PCDH7: variants seen among roughly 807,000 people sequenced by gnomAD.
PCDH7 encodes protocadherin-7.
A neutral mutation model predicts 58.9 loss-of-function variants in PCDH7; 17 were observed. The ratio of observed to expected loss-of-function variants is 0.29; its 90% CI spans 0.20 to 0.43. The LOEUF (loss-of-function observed/expected upper bound fraction) is 0.43, where lower values mean the gene tolerates loss of function less well. Ranked by LOEUF, PCDH7 falls within the 20% of genes least tolerant of loss-of-function variation. The pLI is 1.00. For missense variants in PCDH7, 1,274 were observed against 1,441.0 expected, an observed-to-expected ratio of 0.88 and a Z score of 1.88; for synonymous variants, 664 against 616.4, an observed-to-expected ratio of 1.08 and a Z score of -1.14.
At chr4:31,104,813 T>C (rs554549790) in intron 3 of PCDH7, among the ~76,000 whole-genome samples, 1 of 152,264 alleles carries the variant, frequency 6.6e-6, no homozygotes, top group East Asian at 1.9e-4. Context: ...ACAGCTGAAG[T>C]ATGAGCGTAT....
chr4:31,022,572 A>G (rs1222074267), intron 3 of PCDH7, among the ~76,000 whole-genome samples: 1 of 152,184 alleles, frequency 6.6e-6, no homozygotes, highest in Non-Finnish European at 1.5e-5. Flanking sequence ...TAGACCACAT[A>G]AATGTCAAAA....
chr4:31,079,739 G>A (rs1759348075), intron 3 of PCDH7, among the ~76,000 whole-genome samples: 2 of 152,140 alleles, frequency 1.3e-5, no homozygotes, highest in Middle Eastern at 6.8e-3. Context: ...ATTGAAACAT[G>A]TTCAACGGTG....
intron 1 of PCDH7, among the ~76,000 whole-genome samples, chr4:30,904,343 G>A (rs139308959): frequency 6.6e-6 from 1 of 152,162 alleles, no homozygotes; most frequent in East Asian, 1.9e-4. Flanking sequence ...TTGGCATGCA[G>A]CCCACTCCCT....
chr4:31,006,180 CATTTTGGG>C (rs1752755192), intron 3 of PCDH7, among the ~76,000 whole-genome samples: 1 of 152,132 alleles, frequency 6.6e-6, no homozygotes, highest in Non-Finnish European at 1.5e-5. Context: ...ACCAGTTGTA[CATTTTGGG>C]ATTAAAATCA....
At chr4:31,143,677 G>A (rs917006081), downstream of PCDH7, 1 of 152,068 alleles carries the variant, frequency 6.6e-6, no homozygotes, top group Non-Finnish European at 1.5e-5. Context: ...TTGAACAATT[G>A]TATCATCCAA....
At chr4:30,974,438 C>G (rs1749887906) in intron 3 of PCDH7, among the ~76,000 whole-genome samples, 1 of 151,764 alleles carries the variant, frequency 6.6e-6, no homozygotes, top group African/African-American at 2.4e-5. Context: ...AATCAAATGC[C>G]AGATATTTAA....
At chr4:31,080,622 G>A (rs763165467) in intron 3 of PCDH7, among the ~76,000 whole-genome samples, 2 of 152,018 alleles carry the variant, frequency 1.3e-5, no homozygotes, top group Non-Finnish European at 2.9e-5. Flanking sequence ...TTTTCATATT[G>A]CATTTATTCA....
At chr4:30,851,399 A>G (rs150878572) in intron 1 of PCDH7, among the ~76,000 whole-genome samples, 41 of 152,110 alleles carry the variant, frequency 2.7e-4, no homozygotes, top group Admixed American at 5.9e-4. Context: ...TCCCAAATCT[A>G]TATTTTTCAT....
chr4:30,887,756 A>C (rs1738017649), intron 1 of PCDH7, among the ~76,000 whole-genome samples: 1 of 152,192 alleles, frequency 6.6e-6, no homozygotes, highest in Non-Finnish European at 1.5e-5. Context: ...TAGAACAATT[A>C]ACTTAGACTC....
chr4:31,002,316 A>G (rs1560568543), intron 3 of PCDH7, among the ~76,000 whole-genome samples: 1 of 152,234 alleles, frequency 6.6e-6, no homozygotes, highest in East Asian at 1.9e-4. Flanking sequence ...ACACAGCTTC[A>G]CAGCAGACTC....
rs78156510 is a variant in PCDH7 at position 30,726,355 on chromosome 4, G to A, written c.3174+1759G>A. On this transcript the variant is annotated intron_variant, in intron 1 of 1. Coordinates refer to ENST00000361762, the Ensembl canonical transcript of PCDH7. Reference sequence around the variant, plus strand: ...GGTACTTCTGTCCTGTGTCTGGATAGCATTTGCGTTCTAAATTGTGTAATC... The same window carrying A: ...GGTACTTCTGTCCTGTGTCTGGATAACATTTGCGTTCTAAATTGTGTAATC... Among the ~76,000 whole-genome samples, 1,108 of 152,122 alleles carry A rather than the reference G, an allele frequency of 7.3e-3. 11 individuals carry two copies. Among genetic ancestry groups the A allele is most frequent in the African/African-American group, 0.025 (1,029 of 41,542 alleles).
intron 3 of PCDH7, among the ~76,000 whole-genome samples, chr4:31,038,940 A>G (rs954745686): frequency 6.6e-6 from 1 of 152,198 alleles, no homozygotes; most frequent in Admixed American, 6.5e-5. Flanking sequence ...TGTGTGTATC[A>G]TAGGAATGAC....
At chr4:30,766,123 AG>A (rs201812018) in intron 1 of PCDH7, among the ~76,000 whole-genome samples, 2,483 of 151,236 alleles carry the variant, frequency 0.016, 67 homozygotes, top group African/African-American at 0.054. Context: ...GAAAAAAAAA[AG>A]GAACTGATTC....
chr4:31,001,926 C>T (rs563655740), intron 3 of PCDH7, among the ~76,000 whole-genome samples: 8 of 152,194 alleles, frequency 5.3e-5, no homozygotes, highest in African/African-American at 1.9e-4. Context: ...CAAACAAGAA[C>T]AAAACAACAA....
chr4:31,105,221 A>G (rs1715403853), intron 3 of PCDH7, among the ~76,000 whole-genome samples: 1 of 152,202 alleles, frequency 6.6e-6, no homozygotes, highest in Admixed American at 6.5e-5. Flanking sequence ...TTAAATATAT[A>G]AAGCTATTAA....
At chr4:30,805,283 C>T (rs1726038733) in intron 1 of PCDH7, among the ~76,000 whole-genome samples, 1 of 152,106 alleles carries the variant, frequency 6.6e-6, no homozygotes, top group Non-Finnish European at 1.5e-5. Flanking sequence ...AAGGTGAAGG[C>T]ATATGGTAGG....
intron 3 of PCDH7, among the ~76,000 whole-genome samples, chr4:31,063,563 G>A (rs1757856346): frequency 6.6e-6 from 1 of 151,572 alleles, no homozygotes; most frequent in South Asian, 2.1e-4. Flanking sequence ...TTTCACATTT[G>A]AGAAAACTCA....
intron 3 of PCDH7, among the ~76,000 whole-genome samples, chr4:31,128,622 G>A (rs1718603214): frequency 1.3e-5 from 2 of 152,090 alleles, no homozygotes; most frequent in Admixed American, 6.6e-5. Context: ...CTATAAAATA[G>A]CTATTATCCA....
At chr4:30,846,852 A>C (rs1240383856) in intron 1 of PCDH7, among the ~76,000 whole-genome samples, 1 of 152,260 alleles carries the variant, frequency 6.6e-6, no homozygotes, top group East Asian at 1.9e-4. Context: ...AGCCAGGGGC[A>C]GTGGCTCATG....
Sources: allele counts gnomAD v4.1 joint callset (sites outside exome capture counted in the v4.1 genomes callset), GRCh38; gene constraint gnomAD v4.1.1; transcripts MANE v1.5; gene names NCBI Gene and HGNC (gene_info 2026-07-23, HGNC 2026-07-21).